MACROD2: variants seen among roughly 807,000 people sequenced by gnomAD.
The protein encoded by MACROD2 is ADP-ribose glycohydrolase MACROD2.
In MACROD2, 36 loss-of-function variants were observed where a neutral mutation model predicts 70.4. That is an observed-to-expected ratio of 0.51 (90% CI 0.39 to 0.68). The LOEUF (loss-of-function observed/expected upper bound fraction) is 0.68, where lower values mean the gene tolerates loss of function less well. Among genes scored for constraint, MACROD2 ranks in the 30% least tolerant of loss-of-function variants. The probability of loss-of-function intolerance (pLI) is 0.00; values close to 1 mark genes in which losing one functional copy is unlikely to be tolerated. For missense variants in MACROD2, 496 were observed against 538.4 expected (o/e 0.92, Z 0.78); for synonymous variants, 172 against 178.8 (o/e 0.96, Z 0.30).
At chr20:15,621,392 C>T (rs989413385) in intron 8 of MACROD2, among the ~76,000 whole-genome samples, 1 of 152,098 alleles carries the variant, frequency 6.6e-6, no homozygotes, top group African/African-American at 2.4e-5. Context: ...CAGAATCCAT[C>T]GATTCTTCCA....
At chr20:14,013,295 C>T (rs6105201) in intron 2 of MACROD2, among the ~76,000 whole-genome samples, 54,775 of 137,922 alleles carry the variant, frequency 0.4, 10,837 homozygotes, top group East Asian at 0.51. Context: ...TTTTTTGAGA[C>T]GAAGTCTCTC....
chr20:15,306,782 A>C (rs1310410870), intron 6 of MACROD2, among the ~76,000 whole-genome samples: 1 of 152,168 alleles, frequency 6.6e-6, no homozygotes, highest in East Asian at 1.9e-4. Context: ...AGACCCCTGT[A>C]ATGCTTTCAA....
At chr20:15,937,679 G>A in intron 12 of MACROD2, 135 bp downstream of exon 12, 2 of 664,150 alleles carry the variant, frequency 3.0e-6, no homozygotes, top group Non-Finnish European at 5.2e-6. Flanking sequence ...CAATATAATT[G>A]ACTACACCAC....
intron 3 of MACROD2, among the ~76,000 whole-genome samples, chr20:14,463,934 GC>G (rs1193158042): frequency 6.6e-6 from 1 of 151,866 alleles, no homozygotes; most frequent in Non-Finnish European, 1.5e-5. Context: ...GGTTTGGTTT[GC>G]CAGTATTTTA....
intron 8 of MACROD2, among the ~76,000 whole-genome samples, chr20:15,550,507 G>A (rs371341016): frequency 1.5e-4 from 23 of 152,010 alleles, no homozygotes; most frequent in Admixed American, 7.2e-4. Context: ...GTTTGATTCC[G>A]TTACCAGGAT....
chr20:15,824,034 A>G (rs1244392133), intron 8 of MACROD2, among the ~76,000 whole-genome samples: 1 of 152,200 alleles, frequency 6.6e-6, no homozygotes, highest in Non-Finnish European at 1.5e-5. Flanking sequence ...AATTGGATAG[A>G]CCAGAGGGAG....
chr20:15,650,462 A>G (rs760695242), intron 8 of MACROD2, among the ~76,000 whole-genome samples: 5 of 152,164 alleles, frequency 3.3e-5, no homozygotes, highest in Non-Finnish European at 5.9e-5. Flanking sequence ...TAATTGCAGT[A>G]TATTCTTTCG....
intron 2 of MACROD2, among the ~76,000 whole-genome samples, chr20:14,032,796 A>T (rs1342515572): frequency 6.6e-6 from 1 of 152,162 alleles, no homozygotes; most frequent in Admixed American, 6.5e-5. Context: ...TTTGTACATC[A>T]GTTTCTTCAT....
intron 5 of MACROD2, among the ~76,000 whole-genome samples, chr20:15,206,062 T>G (rs2076699031): frequency 6.6e-6 from 1 of 152,184 alleles, no homozygotes; most frequent in Admixed American, 6.5e-5. Flanking sequence ...GGTACCCCTT[T>G]GCCTTGTGTG....
chr20:15,643,191 A>T (rs1040751806), intron 8 of MACROD2, among the ~76,000 whole-genome samples: 1 of 152,092 alleles, frequency 6.6e-6, no homozygotes, highest in Non-Finnish European at 1.5e-5. Flanking sequence ...CTACAACCTG[A>T]CCTGCTTACA....
chr20:15,969,545 T>C (rs6105504), intron 13 of MACROD2, among the ~76,000 whole-genome samples: 9,617 of 152,200 alleles, frequency 0.063, 367 homozygotes, highest in Middle Eastern at 0.099. Context: ...TAACTGAAAT[T>C]AAGAATTCAA....
At chr20:14,218,979 C>T (rs1260564498) in intron 3 of MACROD2, among the ~76,000 whole-genome samples, 3 of 152,268 alleles carry the variant, frequency 2.0e-5, no homozygotes, top group East Asian at 1.9e-4. Context: ...TTTCCTTCAC[C>T]TTAACATTGG....
intron 3 of MACROD2, chr20:14,327,604 A>G (rs1343739127): frequency 7.8e-7 from 1 of 1,278,222 alleles, no homozygotes; most frequent in African/African-American, 1.5e-5. Flanking sequence ...TAAGGCCAGC[A>G]TACTGAATAT....
At chr20:15,772,101 A>AAAAAAAAAAAAAAAATATAT (rs1555777716) in intron 8 of MACROD2, among the ~76,000 whole-genome samples, 2 of 91,438 alleles carry the variant, frequency 2.2e-5, no homozygotes, top group African/African-American at 5.1e-5. Flanking sequence ...AAAAAAAAAA[A>AAAAAAAAAAAAAAAATATAT]ATATATATAT....
At chr20:15,743,405 G>A (rs1056654296) in intron 8 of MACROD2, among the ~76,000 whole-genome samples, 1 of 152,172 alleles carries the variant, frequency 6.6e-6, no homozygotes, top group Non-Finnish European at 1.5e-5. Flanking sequence ...GTTACAGCTA[G>A]TTTGACGCAG....
intron 3 of MACROD2, among the ~76,000 whole-genome samples, chr20:14,443,103 A>G (rs969038090): frequency 2.7e-5 from 4 of 149,626 alleles, no homozygotes; most frequent in African/African-American, 7.4e-5. Flanking sequence ...AGAAATGAGA[A>G]CTACACTGAG....
chr20:14,874,958 G>A (rs1600754992), intron 5 of MACROD2, among the ~76,000 whole-genome samples: 1 of 151,982 alleles, frequency 6.6e-6, no homozygotes, highest in Non-Finnish European at 1.5e-5. Context: ...GCCTGCCTTG[G>A]CCTCCCAAAG....
chr20:15,244,662 C>G (rs2077090113), intron 6 of MACROD2, among the ~76,000 whole-genome samples: 1 of 152,130 alleles, frequency 6.6e-6, no homozygotes, highest in African/African-American at 2.4e-5. Flanking sequence ...GAAAGGAGTT[C>G]CAATAGCTTT....
At chr20:15,099,950 CAAAAGA>C (rs2075859641) in intron 5 of MACROD2, among the ~76,000 whole-genome samples, 1 of 150,374 alleles carries the variant, frequency 6.7e-6, no homozygotes, top group African/African-American at 2.4e-5. Context: ...AAAAAAAATT[CAAAAGA>C]AAAAGAAAAA....
Sources: gnomAD v4.1 joint callset for allele counts (sites outside exome capture counted in the v4.1 genomes callset) on GRCh38, gnomAD v4.1.1 for gene constraint, MANE v1.5 for transcripts, NCBI Gene and HGNC (gene_info 2026-07-23, HGNC 2026-07-21) for gene names.